Variants in SCMH1 observed in about 807,000 individuals in gnomAD.
SCMH1 encodes Scm polycomb group protein homolog 1.
Under a neutral mutation model 70.8 loss-of-function variants are expected in SCMH1, and 37 were observed. That is an observed-to-expected ratio of 0.52 (90% confidence interval 0.40 to 0.69). SCMH1 has a LOEUF of 0.69. SCMH1 is among the 30% of genes least tolerant of loss of function. The pLI is 0.00. For synonymous variants in SCMH1, 292 were observed against 307.4 expected (o/e 0.95, Z 0.52); for missense variants, 607 against 827.3 (o/e 0.73, Z 3.27).
intron 10 of SCMH1, among the ~76,000 whole-genome samples, chr1:41,059,250 A>T (rs1326352905): frequency 6.6e-6 from 1 of 152,256 alleles, no homozygotes; most frequent in African/African-American, 2.4e-5. Context: ...GGAAACCCAC[A>T]GCACTAAATG....
intron 5 of SCMH1, among the ~76,000 whole-genome samples, chr1:41,149,011 T>C (rs925220310): frequency 3.3e-5 from 5 of 152,162 alleles, no homozygotes; most frequent in Non-Finnish European, 5.9e-5. Flanking sequence ...CAGGATGGTC[T>C]TAATCTCCTG....
At position 41,069,836 on chromosome 1, in the gene SCMH1, T is replaced by C. The variant is rs16827870; in HGVS notation, c.1105+759A>G. 7.8e-3 allele frequency among the ~76,000 whole-genome samples: 1,194 copies of C among 152,312 alleles called. 7 individuals carry two copies. Among genetic ancestry groups the C allele is most frequent in the South Asian group, 0.032 (156 of 4,826 alleles). On this transcript the variant is annotated intron_variant, in intron 10 of 14. Coordinates refer to ENST00000337495, the Ensembl canonical transcript of SCMH1. ...GGTTATGGGAAACTATGTCTGAGCC[T>C]TCCCTTCAGGCTCCTACATTCTAGG...
At chr1:41,166,180 G>A (rs1176208144) in intron 2 of SCMH1, among the ~76,000 whole-genome samples, 1 of 152,028 alleles carries the variant, frequency 6.6e-6, no homozygotes, top group Non-Finnish European at 1.5e-5. Flanking sequence ...TGGGCTCTCT[G>A]TCCTATTTCA....
intron 1 of SCMH1, among the ~76,000 whole-genome samples, chr1:41,186,766 T>C (rs1046371104): frequency 3.3e-5 from 5 of 152,180 alleles, no homozygotes; most frequent in African/African-American, 1.2e-4. Flanking sequence ...TTCTCTCACA[T>C]AGAGAAAAAT....
At chr1:41,070,685 A>G (rs1656170258) in exon 10 of SCMH1, 1 of 1,614,094 alleles carries the variant, frequency 6.2e-7, no homozygotes, top group Non-Finnish European at 8.5e-7. Flanking sequence ...GTTGTTGGTG[A>G]GGCAGGTGGT....
In SCMH1 at chr1:41,179,006, G is replaced by A. The variant is rs575218609; in HGVS notation, c.13+7115C>T. Among the ~76,000 whole-genome samples, 644 of 152,284 alleles carry A rather than the reference G, an allele frequency of 4.2e-3. 2 individuals carry two copies. The highest frequency in any genetic ancestry group is 0.013 in the African/African-American group (558 of 41,554). ...AGAAGTAAAGCACTCCTCAGCAAAT[G>A]TAAAAGATCAGAAATTATAACAAAC... On this transcript the variant is annotated intron_variant, in intron 2 of 14. Coordinates refer to ENST00000337495, the Ensembl canonical transcript of SCMH1.
intron 6 of SCMH1, among the ~76,000 whole-genome samples, chr1:41,135,497 C>A (rs1217810376): frequency 6.6e-6 from 1 of 152,166 alleles, no homozygotes; most frequent in Non-Finnish European, 1.5e-5. Context: ...CTCTTTCCTG[C>A]TGCCCTGTGA....
chr1:41,046,896 C>G (rs1182461569), intron 11 of SCMH1, among the ~76,000 whole-genome samples: 2 of 152,194 alleles, frequency 1.3e-5, no homozygotes, highest in African/African-American at 2.4e-5. Flanking sequence ...CTCTCTGCTC[C>G]ATCACTTGGT....
chr1:41,217,273 G>T (rs758520581), intron 1 of SCMH1, among the ~76,000 whole-genome samples: 1 of 152,208 alleles, frequency 6.6e-6, no homozygotes, highest in Non-Finnish European at 1.5e-5. Context: ...GTGAAAAGTA[G>T]AACTTACAAG....
intron 10 of SCMH1, among the ~76,000 whole-genome samples, chr1:41,049,174 T>C (rs1041438692): frequency 1.3e-5 from 2 of 152,202 alleles, no homozygotes; most frequent in Non-Finnish European, 2.9e-5. Flanking sequence ...TTCTGTGCAC[T>C]GAAAAGAAAA....
rs555023029 is a variant in SCMH1 at position 41,170,337 on chromosome 1, C to A, written c.14-8905G>T. Among the ~76,000 whole-genome samples the A allele has an allele frequency of 3.9e-5, 6 of 152,322 alleles. No homozygotes were observed. In the East Asian group the frequency reaches 1.2e-3, roughly 29 times the overall value. ...GGCTTCCCTTCCCAATTTTATGGCACAATGCCCAGGGTGGGGTCTGGCCCT... is the reference window on the plus strand; with the variant it reads ...GGCTTCCCTTCCCAATTTTATGGCAAAATGCCCAGGGTGGGGTCTGGCCCT... On this transcript the variant is annotated intron_variant, in intron 2 of 14. Transcript: ENST00000337495.
At chr1:41,148,232 T>C (rs1209445811) in intron 5 of SCMH1, among the ~76,000 whole-genome samples, 1 of 152,202 alleles carries the variant, frequency 6.6e-6, no homozygotes, top group African/African-American at 2.4e-5. Context: ...TTTACTTATA[T>C]GTTATCATCC....
chr1:41,085,131 A>G (rs1571941526), intron 8 of SCMH1, among the ~76,000 whole-genome samples: 1 of 151,642 alleles, frequency 6.6e-6, no homozygotes, highest in South Asian at 2.1e-4. Flanking sequence ...TATAATAATA[A>G]TAATAAATAA....
intron 1 of SCMH1, among the ~76,000 whole-genome samples, chr1:41,206,103 G>A (rs1182779383): frequency 2.0e-5 from 3 of 152,196 alleles, no homozygotes; most frequent in African/African-American, 7.2e-5. Context: ...GAGCAGAAAA[G>A]CTGAAAATTC....
At chr1:41,064,231 A>G (rs1233864914) in intron 10 of SCMH1, among the ~76,000 whole-genome samples, 1 of 152,212 alleles carries the variant, frequency 6.6e-6, no homozygotes, top group Non-Finnish European at 1.5e-5. Flanking sequence ...CTAGAAATAG[A>G]GGGAAATTTT....
intron 8 of SCMH1, among the ~76,000 whole-genome samples, chr1:41,107,485 C>T (rs1413235500): frequency 1.3e-5 from 2 of 151,798 alleles, no homozygotes; most frequent in Non-Finnish European, 1.5e-5. Flanking sequence ...TTATTCTTGC[C>T]TCTATCCTAG....
intron 8 of SCMH1, among the ~76,000 whole-genome samples, chr1:41,081,580 G>C (rs1156520333): frequency 6.6e-6 from 1 of 152,212 alleles, no homozygotes; most frequent in Admixed American, 6.5e-5. Flanking sequence ...CACTCTGGGA[G>C]ACTGAGGCAG....
rs185078135 is a variant in SCMH1, at chr1:41,080,258, C to T, written c.746-4807G>A. ...TTAAAAATCTTTCCACAAAGAAAATCCCAGGCCTAAACTGGCTTCACTGAT... is the reference window on the plus strand; with the variant it reads ...TTAAAAATCTTTCCACAAAGAAAATTCCAGGCCTAAACTGGCTTCACTGAT... On this transcript the variant is annotated intron_variant, in intron 8 of 14. Transcript: ENST00000337495. Among the ~76,000 whole-genome samples, 5 of 152,110 alleles carry T rather than the reference C, an allele frequency of 3.3e-5. No individual in the cohort carries two copies. In the East Asian group the frequency reaches 9.6e-4, roughly 29 times the overall value.
chr1:41,225,414 C>T (rs569481849), intron 1 of SCMH1, among the ~76,000 whole-genome samples: 3 of 152,240 alleles, frequency 2.0e-5, no homozygotes, highest in East Asian at 1.9e-4. Flanking sequence ...TGATGACTTT[C>T]CCAATTTATC....
Sources: gnomAD v4.1 joint callset for allele counts (sites outside exome capture counted in the v4.1 genomes callset) on GRCh38, gnomAD v4.1.1 for gene constraint, MANE v1.5 for transcripts, NCBI Gene and HGNC (gene_info 2026-07-23, HGNC 2026-07-21) for gene names.